The following PTPRN2 variants were observed in gnomAD, a reference collection of about 807,000 sequenced individuals.
PTPRN2 encodes the protein protein tyrosine phosphatase receptor type N2, also known as receptor-type tyrosine-protein phosphatase N2.
In PTPRN2, 74 loss-of-function variants were observed where a neutral mutation model predicts 118.8. The ratio of observed to expected loss-of-function variants is 0.62; its 90% CI spans 0.52 to 0.76. The LOEUF (loss-of-function observed/expected upper bound fraction) is 0.76. Among genes scored for constraint, PTPRN2 ranks in the 30% least tolerant of loss-of-function variants. The probability of loss-of-function intolerance (pLI) is 0.00; values close to 1 mark genes in which losing one functional copy is unlikely to be tolerated. For missense variants in PTPRN2, 1,481 were observed against 1,394.4 expected (o/e 1.06, Z -0.99); for synonymous variants, 641 against 608.0 (o/e 1.05, Z -0.80).
chr7:157,713,181 A>T (rs148685742), intron 12 of PTPRN2, among the ~76,000 whole-genome samples: 49 of 150,238 alleles, frequency 3.3e-4, no homozygotes, highest in African/African-American at 1.2e-3. Flanking sequence ...TTCTGGTGCC[A>T]GCGGGAGACC....
At chr7:158,163,097 C>T (rs1252332824) in intron 6 of PTPRN2, among the ~76,000 whole-genome samples, 1 of 152,164 alleles carries the variant, frequency 6.6e-6, no homozygotes, top group Non-Finnish European at 1.5e-5. Flanking sequence ...TAGAATCATC[C>T]CAGGGCAGAG....
At chr7:158,376,926 C>A (rs1370462760) in intron 2 of PTPRN2, among the ~76,000 whole-genome samples, 7 of 8,010 alleles carry the variant, frequency 8.7e-4, no homozygotes, top group Non-Finnish European at 1.5e-3. Context: ...ACACGTCCTG[C>A]ACGCGGGGTC....
intron 2 of PTPRN2, among the ~76,000 whole-genome samples, chr7:158,396,524 C>T (rs906371485): frequency 2.6e-5 from 4 of 152,050 alleles, no homozygotes; most frequent in Non-Finnish European, 4.4e-5. Flanking sequence ...CTCCCCTCCT[C>T]GCCGAGTGAG....
rs374244429 is a variant in PTPRN2 at position 157,754,610 on chromosome 7, G to A, written c.1789-71673C>T. Among the ~76,000 whole-genome samples the A allele has an allele frequency of 4.6e-5, 7 of 152,368 alleles. No individual in the cohort carries two copies. In the East Asian group the frequency reaches 7.7e-4, roughly 17 times the overall value. ...TGGCTTCATCACCACCTTTGGAGGA[G>A]GCCGAGGCTCCGGCTGGAAAGGTGC... On this transcript the variant is annotated intron_variant, in intron 12 of 22. Coordinates refer to ENST00000389418, the MANE Select transcript of PTPRN2 (RefSeq NM_002847.5).
chr7:157,548,799 A>G (rs772698567), intron 22 of PTPRN2, 147 bp downstream of exon 22: 27 of 791,542 alleles, frequency 3.4e-5, no homozygotes, highest in Non-Finnish European at 5.6e-5. Flanking sequence ...CCGCCCATGC[A>G]AGGCCGGCAT....
intron 12 of PTPRN2, chr7:157,740,455 C>T (rs1800565200): frequency 6.8e-6 from 1 of 147,150 alleles, no homozygotes; most frequent in African/African-American, 2.7e-5. Flanking sequence ...GCCTCACCAG[C>T]TCCGGAACCC....
At chr7:157,936,623 G>A (rs1176332838) in intron 11 of PTPRN2, among the ~76,000 whole-genome samples, 1 of 143,024 alleles carries the variant, frequency 7.0e-6, no homozygotes, top group Non-Finnish European at 1.6e-5. Context: ...CGGAAGCCAG[G>A]GTGGGGTTCT....
chr7:158,311,749 C>A (rs189500131), intron 3 of PTPRN2, among the ~76,000 whole-genome samples: 1 of 152,246 alleles, frequency 6.6e-6, no homozygotes, highest in African/African-American at 2.4e-5. Flanking sequence ...CTGTTTCAAG[C>A]GCAGTTACCA....
chr7:158,318,258 G>A (rs1011940408), intron 2 of PTPRN2, among the ~76,000 whole-genome samples: 8 of 152,218 alleles, frequency 5.3e-5, no homozygotes, highest in African/African-American at 1.9e-4. Context: ...AAGCAGGAGT[G>A]GGAAAGGGGG....
At chr7:158,185,372 G>C (rs1357857265) in intron 5 of PTPRN2, among the ~76,000 whole-genome samples, 1 of 152,242 alleles carries the variant, frequency 6.6e-6, no homozygotes, top group East Asian at 1.9e-4. Flanking sequence ...GCTTAGACTG[G>C]TTAATGCTGT....
chr7:158,489,831 G>A lies in PTPRN2; in HGVS notation c.113-46C>T, dbSNP rs1303914293. 17 of 1,535,588 alleles carry A rather than the reference G, an allele frequency of 1.1e-5. No homozygotes were observed. The Middle Eastern group carries it at 6.9e-4, about 62-fold the overall frequency. On this transcript the variant is annotated intron_variant, in intron 1 of 22. Transcript: ENST00000389418. Reference sequence around the variant, plus strand: ...GACGCGGTCAGCTGGAGGGGAGGAGGGGGGTGCCCCCGAGGCTGCCTTCCT... The same window carrying A: ...GACGCGGTCAGCTGGAGGGGAGGAGAGGGGTGCCCCCGAGGCTGCCTTCCT...
Position 157,974,938 on chromosome 7 carries a change from G to C in PTPRN2, c.1724-76201C>G, listed in dbSNP as rs1802628765. Among the ~76,000 whole-genome samples, 1 of 152,016 alleles carries C rather than the reference G, an allele frequency of 6.6e-6. No homozygotes were observed. The highest frequency in any genetic ancestry group is 2.1e-4 in the South Asian group (1 of 4,820). ...TGTCTGGGAGTGAGCAGAGGACCAG[G>C]GTATGGAACAAGCCCTAGTCAGAAA... On this transcript the variant is annotated intron_variant, in intron 11 of 22. Transcript: ENST00000389418. The surrounding 1 kb of genome is among the most constrained non-coding windows in gnomAD (Gnocchi z 4.0).
chr7:158,524,576 C>T (rs925120316), intron 1 of PTPRN2, among the ~76,000 whole-genome samples: 1 of 151,898 alleles, frequency 6.6e-6, no homozygotes, highest in Non-Finnish European at 1.5e-5. Context: ...GAAGCCAGAT[C>T]GCTGAGGAGT....
chr7:158,549,987 G>A (rs540800576), intron 1 of PTPRN2, among the ~76,000 whole-genome samples: 28 of 152,356 alleles, frequency 1.8e-4, no homozygotes, highest in African/African-American at 5.5e-4. Context: ...GGTCTGTGCC[G>A]CGCCTCGCCG....
chr7:157,741,300 G>A (rs1269794255), intron 12 of PTPRN2, among the ~76,000 whole-genome samples: 2 of 152,208 alleles, frequency 1.3e-5, no homozygotes, highest in African/African-American at 4.8e-5. Flanking sequence ...AAAATGAAAG[G>A]TGTGTCTTAC....
chr7:158,471,928 G>C (rs548358955), intron 2 of PTPRN2, among the ~76,000 whole-genome samples: 74 of 152,332 alleles, frequency 4.9e-4, no homozygotes, highest in African/African-American at 1.8e-3. Flanking sequence ...AGAAGACATG[G>C]GACAGCCAGG....
At chr7:157,919,876 G>A (rs568119601) in intron 11 of PTPRN2, among the ~76,000 whole-genome samples, 4 of 152,284 alleles carry the variant, frequency 2.6e-5, no homozygotes, top group South Asian at 2.1e-4. Flanking sequence ...ACCTTGCGAC[G>A]TCACAGCCAT....
At position 157,977,428 on chromosome 7, in the gene PTPRN2, G is replaced by T. The variant is rs1177587966; in HGVS notation, c.1724-78691C>A. 6.6e-6 allele frequency among the ~76,000 whole-genome samples: 1 copy of T among 151,938 alleles called. No individual in the cohort carries two copies. Among genetic ancestry groups the T allele is most frequent in the African/African-American group, 2.4e-5 (1 of 41,430 alleles). ...TGGGAGCCAGGAAAGGTCTCCTGAGGGGATACTCAAGCTGATGCCTGAATG... is the reference window on the plus strand; with the variant it reads ...TGGGAGCCAGGAAAGGTCTCCTGAGTGGATACTCAAGCTGATGCCTGAATG... On this transcript the variant is annotated intron_variant, in intron 11 of 22. Transcript: ENST00000389418. This position sits in a 1 kb window ranked among gnomAD's most constrained non-coding sequence, Gnocchi z 4.6.
intron 3 of PTPRN2, among the ~76,000 whole-genome samples, chr7:158,294,944 C>T (rs1482128922): frequency 7.1e-6 from 1 of 141,398 alleles, no homozygotes; most frequent in African/African-American, 2.8e-5. Context: ...GTTCACCCAC[C>T]TTTCTGAGGG....
Sources: gnomAD v4.1 joint callset for allele counts (sites outside exome capture counted in the v4.1 genomes callset) on GRCh38, gnomAD v4.1.1 for gene constraint, Gnocchi (gnomAD v3.1) non-coding constraint, MANE v1.5 for transcripts, NCBI Gene and HGNC (gene_info 2026-07-23, HGNC 2026-07-21) for gene names.